TP63: variants seen among roughly 807,000 people sequenced by gnomAD.
TP63 encodes tumor protein p63.
In TP63, 17 loss-of-function variants were observed where a neutral mutation model predicts 82.8. The observed-to-expected ratio is 0.21, with a 90% CI of 0.14 to 0.31. The LOEUF (loss-of-function observed/expected upper bound fraction) is 0.31, where lower values mean the gene tolerates loss of function less well. TP63 is among the 10% of genes least tolerant of loss of function. The probability of loss-of-function intolerance (pLI) is 1.00; values close to 1 mark genes in which losing one functional copy is unlikely to be tolerated. For synonymous variants in TP63, 330 were observed against 321.7 expected (o/e 1.03, Z -0.28); for missense variants, 648 against 895.3 (o/e 0.72, Z 3.52).
intron 3 of TP63, among the ~76,000 whole-genome samples, chr3:189,744,045 C>G (rs977602047): frequency 5.3e-5 from 8 of 152,156 alleles, no homozygotes; most frequent in Non-Finnish European, 1.2e-4. Flanking sequence ...AAAAACCCAG[C>G]CTCCACCAGA....
At chr3:189,651,545 CAAAAAA>C (rs71173298) in intron 1 of TP63, among the ~76,000 whole-genome samples, 1 of 118,440 alleles carries the variant, frequency 8.4e-6, no homozygotes. Context: ...GATTCCATAT[CAAAAAA>C]AAAAAAAAAA....
intron 4 of TP63, among the ~76,000 whole-genome samples, chr3:189,830,345 A>G (rs974090298): frequency 1.3e-5 from 2 of 152,200 alleles, no homozygotes; most frequent in Admixed American, 6.5e-5. Flanking sequence ...GACTTACTGC[A>G]ACTCTGATTT....
chr3:189,738,746 A>G lies in TP63; in HGVS notation c.296A>G (p.Gln99Arg). Residue 99 changes from glutamine to arginine, a missense_variant, in exon 3 of 14, where the codon CAG becomes CGG. By Grantham distance (43) the Gln-to-Arg change is conservative (BLOSUM62 1). Coordinates refer to ENST00000264731, the MANE Select transcript of TP63 (RefSeq NM_003722.5). The part of the protein sequence containing the change: ...IEISMDCIRM[Q>R]DSDLSDPMWP... ...ATTAGCATGGACTGTATCCGCATGC[A>G]GGACTCGGACCTGAGTGACCCCATG... 14 of 1,614,144 alleles carry G rather than the reference A, an allele frequency of 8.7e-6. 1 individual carries two copies. Among genetic ancestry groups the G allele is most frequent in the Admixed American group, 1.7e-5 (1 of 60,018 alleles).
chr3:189,633,210 C>G (rs1481839770), intron 1 of TP63, among the ~76,000 whole-genome samples: 1 of 151,834 alleles, frequency 6.6e-6, no homozygotes, highest in Non-Finnish European at 1.5e-5. Context: ...TCTAAGCAAT[C>G]ATAGTATTTT....
At chr3:189,621,516 T>C in the TP63 span, among the ~76,000 whole-genome samples, 1 of 151,856 alleles carries the variant, frequency 6.6e-6, no homozygotes, top group African/African-American at 2.4e-5. Flanking sequence ...TAGTATATTT[T>C]ATATATAGAG....
chr3:189,794,893 G>A (rs183040383), intron 3 of TP63, among the ~76,000 whole-genome samples: 155 of 152,102 alleles, frequency 1.0e-3, no homozygotes, highest in African/African-American at 3.6e-3. Context: ...GGAAGGATAC[G>A]CATGGATTGT....
At position 189,747,631 on chromosome 3, in the gene TP63, T is replaced by TA. The variant is rs778806742; in HGVS notation, c.324+8862dup. ...GTAATAAATGCCTACACCAATAAGG[T>TA]AAAAAGATTTCACATAAACAATCCA... is the stretch of plus-strand genomic sequence containing the variant. On this transcript the variant is annotated intron_variant, in intron 3 of 13. Transcript: ENST00000264731. Among the ~76,000 whole-genome samples the TA allele has an allele frequency of 2.5e-3, 380 of 151,790 alleles. 2 individuals carry two copies. The highest frequency in any genetic ancestry group is 6.8e-3 in the Middle Eastern group (2 of 294).
chr3:189,895,169 G>A lies in TP63; in HGVS notation c.*667G>A. ...AGATATGTATTCTTTTCTCAGTGTT[G>A]GTATATTTTATATTACTGACATTTC... On this transcript the variant is annotated 3_prime_UTR_variant, in exon 14 of 14. Transcript: ENST00000264731. 1 of 220,374 alleles carries A rather than the reference G, an allele frequency of 4.5e-6. No homozygotes were observed. The highest frequency in any genetic ancestry group is 9.1e-6 in the Non-Finnish European group (1 of 110,050). The allele number at this position is 220,374 out of a possible 1,614,324, so 13.7% of individuals were successfully genotyped here.
chr3:189,661,700 T>C (rs1280646265), intron 1 of TP63, among the ~76,000 whole-genome samples: 1 of 151,740 alleles, frequency 6.6e-6, no homozygotes, highest in Non-Finnish European at 1.5e-5. Context: ...AATTATGTAG[T>C]CAGGCTTTTT....
chr3:189,791,600 C>T (rs1196162119), intron 3 of TP63, among the ~76,000 whole-genome samples: 1 of 152,008 alleles, frequency 6.6e-6, no homozygotes. Context: ...CTGCTAAGGT[C>T]GACAAAAAAT....
chr3:189,842,830 G>A (rs1332454564), intron 4 of TP63, among the ~76,000 whole-genome samples: 2 of 152,108 alleles, frequency 1.3e-5, no homozygotes, highest in South Asian at 2.1e-4. Flanking sequence ...ACCTTAACAC[G>A]AGTACCTGCT....
At chr3:189,646,433 C>A (rs1436866202) in intron 1 of TP63, among the ~76,000 whole-genome samples, 1 of 147,438 alleles carries the variant, frequency 6.8e-6, no homozygotes, top group Non-Finnish European at 1.5e-5. Flanking sequence ...TTCTCTGATA[C>A]AACTTTATAC....
chr3:189,869,330 G>A lies in TP63; in HGVS notation c.1136G>A (p.Arg379His), dbSNP rs765502786. Residue 379 changes from arginine (R) to histidine (H), a missense_variant, in exon 9 of 14, where the codon CGT (arginine) becomes CAT (histidine). Physicochemically the swap from Arg to His is conservative, Grantham distance 29 (BLOSUM62 0). Around this residue, in one of 5 missense-constraint regions of TP63, gnomAD observed 342 missense variants for 425.7 expected, o/e 0.80. Coordinates refer to ENST00000264731, the MANE Select transcript of TP63 (RefSeq NM_003722.5). ...TGCATTTTTCCTCCACCAGCGTTTC[G>A]TCAGAACACACATGGTATCCAGATG... ...KNGDGTKRPFRQNTHGIQMTS... is the reference protein window; with the variant it reads ...KNGDGTKRPFHQNTHGIQMTS... The A allele has an allele frequency of 5.6e-6, 9 of 1,613,952 alleles. No individual in the cohort carries two copies. Among genetic ancestry groups the A allele is most frequent in the Admixed American group, 3.3e-5 (2 of 60,004 alleles).
At chr3:189,721,595 G>T (rs1216932848) in intron 1 of TP63, among the ~76,000 whole-genome samples, 1 of 152,034 alleles carries the variant, frequency 6.6e-6, no homozygotes, top group Non-Finnish European at 1.5e-5. Flanking sequence ...GATCCATCTT[G>T]CTTTGGAGGT....
intron 3 of TP63, among the ~76,000 whole-genome samples, chr3:189,760,319 C>T: frequency 6.6e-6 from 1 of 152,188 alleles, no homozygotes. Context: ...CCTGTAAAAT[C>T]AAAAGCAAGT....
Position 189,895,238 on chromosome 3 carries a change from T to C in TP63, c.*736T>C. The C allele has an allele frequency of 4.5e-6, 1 of 221,778 alleles. No individual in the cohort carries two copies. The highest frequency in any genetic ancestry group is 9.0e-6 in the Non-Finnish European group (1 of 110,930). 13.7% of individuals were successfully genotyped at this position (221,778 alleles called of 1,614,324 possible). On this transcript the variant is annotated 3_prime_UTR_variant, in exon 14 of 14. Coordinates refer to ENST00000264731, the MANE Select transcript of TP63 (RefSeq NM_003722.5). ...ACGTTGGGGTGATTTAATCCAGTTATAAGAAGAAGTTCATGTCCAAACGTC... is the reference window on the plus strand; with the variant it reads ...ACGTTGGGGTGATTTAATCCAGTTACAAGAAGAAGTTCATGTCCAAACGTC...
intron 1 of TP63, among the ~76,000 whole-genome samples, chr3:189,731,628 G>T (rs1329394508): frequency 1.3e-5 from 2 of 152,188 alleles, no homozygotes; most frequent in Non-Finnish European, 2.9e-5. Flanking sequence ...GCAAGAGGGA[G>T]TGCAGACCAT....
chr3:189,811,930 T>C (rs1364664905), intron 4 of TP63, among the ~76,000 whole-genome samples: 1 of 152,208 alleles, frequency 6.6e-6, no homozygotes, highest in African/African-American at 2.4e-5. Context: ...TAAAGAAATT[T>C]TTTGTGCCTT....
Position 189,705,171 on chromosome 3 carries a change from G to A in TP63, c.63-32569G>A, listed in dbSNP as rs1282931574. Among the ~76,000 whole-genome samples, 3 of 152,300 alleles carry A rather than the reference G, an allele frequency of 2.0e-5. No homozygotes were observed. In the East Asian group the frequency reaches 5.8e-4, roughly 29 times the overall value. ...CAAGCTATCTGAGAAGCTGTATAGT[G>A]CAGACTCAAGAGCTTAGATGTTTTA... is the stretch of plus-strand genomic sequence containing the variant. On this transcript the variant is annotated intron_variant, in intron 1 of 13. Transcript: ENST00000264731.
Sources: allele counts gnomAD v4.1 joint callset (sites outside exome capture counted in the v4.1 genomes callset), GRCh38; gene constraint gnomAD v4.1.1; regional missense constraint gnomAD v4.1.1; transcripts MANE v1.5; gene names NCBI Gene and HGNC (gene_info 2026-07-23, HGNC 2026-07-21).